XRCC4: variants seen among roughly 807,000 people sequenced by gnomAD.
XRCC4 encodes DNA repair protein XRCC4.
In XRCC4, 28 loss-of-function variants were observed where a neutral mutation model predicts 39.1. That is an observed-to-expected ratio of 0.72 (90% CI 0.53 to 0.98). The LOEUF (loss-of-function observed/expected upper bound fraction) is 0.98. Among genes scored for constraint, XRCC4 ranks in the 50% least tolerant of loss-of-function variants. The probability of loss-of-function intolerance (pLI) is 0.00; values close to 1 mark genes in which losing one functional copy is unlikely to be tolerated. For synonymous variants in XRCC4, 123 were observed against 126.4 expected (o/e 0.97, Z 0.18); for missense variants, 350 against 376.4 (o/e 0.93, Z 0.58).
chr5:83,225,355 T>C (rs1752247376), intron 6 of XRCC4, among the ~76,000 whole-genome samples: 1 of 152,056 alleles, frequency 6.6e-6, no homozygotes, highest in Non-Finnish European at 1.5e-5. Context: ...TTTTTACTTT[T>C]TCTGTACTGG....
At chr5:83,242,604 AT>A (rs1752956213) in intron 6 of XRCC4, among the ~76,000 whole-genome samples, 1 of 151,944 alleles carries the variant, frequency 6.6e-6, no homozygotes, top group Non-Finnish European at 1.5e-5. Flanking sequence ...GTGCGCCACT[AT>A]GCCCAGTTTC....
chr5:83,197,353 A>G (rs1474338908), intron 4 of XRCC4, among the ~76,000 whole-genome samples: 1 of 152,106 alleles, frequency 6.6e-6, no homozygotes, highest in Non-Finnish European at 1.5e-5. Context: ...GAGATGTGCT[A>G]TGGTCGTGAT....
chr5:83,268,644 G>C (rs1419210445), intron 7 of XRCC4, among the ~76,000 whole-genome samples: 1 of 152,230 alleles, frequency 6.6e-6, no homozygotes, highest in East Asian at 1.9e-4. Flanking sequence ...CTGGACATGT[G>C]TTTTGATTGT....
At chr5:83,117,311 A>AT (rs897106951) in intron 3 of XRCC4, among the ~76,000 whole-genome samples, 14 of 152,130 alleles carry the variant, frequency 9.2e-5, no homozygotes, top group African/African-American at 2.9e-4. Flanking sequence ...ACAAGAGATC[A>AT]TTTGTGTGCT....
intron 3 of XRCC4, among the ~76,000 whole-genome samples, chr5:83,127,219 A>C (rs1747312740): frequency 6.6e-6 from 1 of 152,100 alleles, no homozygotes; most frequent in African/African-American, 2.4e-5. Flanking sequence ...TATGGTCTGA[A>C]TATGTCTCCC....
At position 83,310,647 on chromosome 5, in the gene XRCC4, A is replaced by T; in HGVS notation, c.894-42484A>T. The T allele has an allele frequency of 8.0e-6, 3 of 373,602 alleles. 1 individual carries two copies. Among genetic ancestry groups the T allele is most frequent in the South Asian group, 6.2e-5 (3 of 48,732 alleles). The allele number at this position is 373,602 out of a possible 1,614,324, so 23.1% of individuals were successfully genotyped here. A position where few individuals can be genotyped will look rare whatever the true frequency, so the allele number is the denominator to read the frequency against. On this transcript the variant is annotated intron_variant, in intron 7 of 7. Transcript: ENST00000396027. The stretch of plus-strand genomic sequence containing the variant: ...ATAATAGTCGCCAAAGATAATCAGG[A>T]GTGACTCCCTAGAATCTGTGAATGT...
At chr5:83,371,625 T>C in the XRCC4 span, among the ~76,000 whole-genome samples, 2 of 151,826 alleles carry the variant, frequency 1.3e-5, no homozygotes, top group African/African-American at 2.4e-5. Flanking sequence ...TTCAGTGGAG[T>C]GATGGGACAG....
chr5:83,321,055 C>T (rs748488111), intron 7 of XRCC4, among the ~76,000 whole-genome samples: 7 of 151,950 alleles, frequency 4.6e-5, no homozygotes, highest in African/African-American at 1.4e-4. Flanking sequence ...GTGATCTGCC[C>T]GCCTCGGCCT....
intron 7 of XRCC4, among the ~76,000 whole-genome samples, chr5:83,260,154 G>A (rs771611243): frequency 2.0e-5 from 3 of 152,114 alleles, no homozygotes; most frequent in South Asian, 2.1e-4. Flanking sequence ...GAATTTATTC[G>A]TAGCTTATAA....
intron 7 of XRCC4, among the ~76,000 whole-genome samples, chr5:83,277,647 G>A (rs1015564890): frequency 6.6e-6 from 1 of 152,058 alleles, no homozygotes; most frequent in African/African-American, 2.4e-5. Context: ...AAACAACATC[G>A]GTTGAAAGTT....
At chr5:83,269,664 T>A (rs1435317862) in intron 7 of XRCC4, among the ~76,000 whole-genome samples, 1 of 151,922 alleles carries the variant, frequency 6.6e-6, no homozygotes, top group Non-Finnish European at 1.5e-5. Context: ...ACCTAACACA[T>A]AGTAGATATT....
intron 6 of XRCC4, among the ~76,000 whole-genome samples, chr5:83,232,053 C>G (rs1204877553): frequency 6.6e-6 from 1 of 151,986 alleles, no homozygotes; most frequent in Non-Finnish European, 1.5e-5. Context: ...GACATTACCC[C>G]CAAGAAAATT....
intron 6 of XRCC4, among the ~76,000 whole-genome samples, chr5:83,251,307 C>T (rs141367316): frequency 0.039 from 5,992 of 151,964 alleles, 371 homozygotes; most frequent in African/African-American, 0.13. Flanking sequence ...GGGTGGATCA[C>T]GACGTCAGCA....
At chr5:83,196,031 G>A in intron 4 of XRCC4, 95 bp downstream of exon 4, 1 of 1,264,142 alleles carries the variant, frequency 7.9e-7, no homozygotes, top group Non-Finnish European at 1.1e-6. Context: ...CAATATATGT[G>A]GATTAGCACA....
At chr5:83,187,959 G>A (rs972625096) in intron 3 of XRCC4, among the ~76,000 whole-genome samples, 1 of 152,188 alleles carries the variant, frequency 6.6e-6, no homozygotes, top group African/African-American at 2.4e-5. Flanking sequence ...GACAGGAGCA[G>A]AAAAATGGAC....
chr5:83,267,532 G>A (rs1228244714), intron 7 of XRCC4, among the ~76,000 whole-genome samples: 1 of 152,080 alleles, frequency 6.6e-6, no homozygotes, highest in Non-Finnish European at 1.5e-5. Flanking sequence ...TAAAACGATT[G>A]GGCATACATT....
At chr5:83,189,413 T>C (rs1750596590) in intron 3 of XRCC4, among the ~76,000 whole-genome samples, 1 of 152,220 alleles carries the variant, frequency 6.6e-6, no homozygotes, top group Non-Finnish European at 1.5e-5. Context: ...AAAATGCTTA[T>C]AATTTTTGTA....
chr5:83,289,685 C>T (rs912944389), intron 7 of XRCC4, among the ~76,000 whole-genome samples: 3 of 151,766 alleles, frequency 2.0e-5, no homozygotes, highest in Non-Finnish European at 4.4e-5. Context: ...GGGACTGTGA[C>T]CTCTACAAGT....
intron 7 of XRCC4, among the ~76,000 whole-genome samples, chr5:83,275,520 C>G (rs895219123): frequency 2.0e-5 from 3 of 152,060 alleles, no homozygotes; most frequent in African/African-American, 7.2e-5. Flanking sequence ...TGGTCTCGAT[C>G]TCCTGACCTC....
Sources: allele counts gnomAD v4.1 joint callset (sites outside exome capture counted in the v4.1 genomes callset), GRCh38; gene constraint gnomAD v4.1.1; transcripts MANE v1.5; gene names NCBI Gene and HGNC (gene_info 2026-07-23, HGNC 2026-07-21).